SASH1: variants seen among roughly 807,000 people sequenced by gnomAD.
SASH1 encodes SAM and SH3 domain containing 1.
In SASH1, 44 loss-of-function variants were observed where a neutral mutation model predicts 125.2. That is an observed-to-expected ratio of 0.35 (90% confidence interval 0.28 to 0.45). The LOEUF (loss-of-function observed/expected upper bound fraction) is 0.45. Among genes scored for constraint, SASH1 ranks in the 20% least tolerant of loss-of-function variants. SASH1 has a pLI of 1.00. For synonymous variants in SASH1, 639 were observed against 649.1 expected (o/e 0.98, Z 0.24); for missense variants, 1,426 against 1,614.5 (o/e 0.88, Z 2.00).
chr6:148,359,324 G>T (rs1393058779), intron 1 of SASH1, among the ~76,000 whole-genome samples: 1 of 74,214 alleles, frequency 1.3e-5, no homozygotes, highest in African/African-American at 6.3e-5. Context: ...GTGCTTGGCC[G>T]GTTTTTTTTT....
chr6:148,361,915 T>TG (rs1782229563), intron 1 of SASH1, among the ~76,000 whole-genome samples: 1 of 71,100 alleles, frequency 1.4e-5, no homozygotes, highest in South Asian at 5.9e-4. Flanking sequence ...TTTCTTTTTC[T>TG]TTTTTTTTTT....
At chr6:148,288,768 T>C (rs1403618891) in intron 1 of SASH1, among the ~76,000 whole-genome samples, 1 of 152,122 alleles carries the variant, frequency 6.6e-6, no homozygotes, top group Non-Finnish European at 1.5e-5. Flanking sequence ...AGTAATTAGA[T>C]TGACACTTCC....
At chr6:148,461,888 A>G (rs1011103829) in intron 4 of SASH1, among the ~76,000 whole-genome samples, 3 of 152,264 alleles carry the variant, frequency 2.0e-5, no homozygotes, top group Admixed American at 6.5e-5. Flanking sequence ...GGAGCAAAAT[A>G]TGAAGGTACA....
Position 148,472,348 on chromosome 6 carries a change from C to T in SASH1, c.514+845C>T, listed in dbSNP as rs531863843. Among the ~76,000 whole-genome samples the T allele has an allele frequency of 4.6e-5, 7 of 152,196 alleles. No individual in the cohort carries two copies. The East Asian group carries it at 1.2e-3, about 25-fold the overall frequency. ...CACACCTGGGTTCCTTGGCAACATTCCACTTGGTTCTTTTTTCAAGTTGTC... is the reference window on the plus strand; with the variant it reads ...CACACCTGGGTTCCTTGGCAACATTTCACTTGGTTCTTTTTTCAAGTTGTC... On this transcript the variant is annotated intron_variant, in intron 6 of 19. Transcript: ENST00000367467.
the SASH1 span, among the ~76,000 whole-genome samples, chr6:148,245,229 G>T: frequency 6.6e-6 from 1 of 152,158 alleles, no homozygotes; most frequent in Non-Finnish European, 1.5e-5. Context: ...GTTCCCAAAT[G>T]ATTGTTTTCC....
At chr6:148,384,438 G>T (rs1159104523) in intron 1 of SASH1, among the ~76,000 whole-genome samples, 1 of 152,148 alleles carries the variant, frequency 6.6e-6, no homozygotes, top group Non-Finnish European at 1.5e-5. Context: ...TATAATAAAT[G>T]TAGAGATGAT....
intron 11 of SASH1, among the ~76,000 whole-genome samples, chr6:148,527,073 C>CGT (rs200711215): frequency 0.016 from 2,374 of 152,126 alleles, 57 homozygotes; most frequent in African/African-American, 0.053. Flanking sequence ...GGGGTTTCAC[C>CGT]GTGTTAGTCA....
chr6:148,379,215 T>A (rs959811996), intron 1 of SASH1, among the ~76,000 whole-genome samples: 1 of 152,210 alleles, frequency 6.6e-6, no homozygotes, highest in African/African-American at 2.4e-5. Flanking sequence ...CCTGGGTTTC[T>A]TCCTGTCTCT....
intron 7 of SASH1, among the ~76,000 whole-genome samples, chr6:148,485,684 C>T (rs1778808248): frequency 6.6e-6 from 1 of 152,146 alleles, no homozygotes; most frequent in Non-Finnish European, 1.5e-5. Flanking sequence ...TCAATACTGC[C>T]TACCTCCTCC....
intron 16 of SASH1, among the ~76,000 whole-genome samples, chr6:148,536,116 A>G (rs1583320269): frequency 6.6e-6 from 1 of 152,310 alleles, no homozygotes; most frequent in South Asian, 2.1e-4. Flanking sequence ...ATCACTTTAT[A>G]ACAAGGTCTT....
At position 148,490,013 on chromosome 6, in the gene SASH1, T is replaced by C. The variant is rs1390537843; in HGVS notation, c.729+2298T>C. Among the ~76,000 whole-genome samples, 60 of 124,958 alleles carry C rather than the reference T, an allele frequency of 4.8e-4. No homozygotes were observed. In the Middle Eastern group the frequency reaches 0.02, roughly 43 times the overall value. The allele number at this position is 124,958 out of a possible 152,430, so 82.0% of individuals were successfully genotyped here. On this transcript the variant is annotated intron_variant, in intron 8 of 19. Transcript: ENST00000367467. ...GTACCACTGCACTCCATCCTGTCTT[T>C]AAAAAAAAAAAAAAAAAAAACAAGA... is the stretch of plus-strand genomic sequence containing the variant.
In SASH1 at chr6:148,390,242, G is replaced by C. The variant is rs780159424; in HGVS notation, c.265G>C (p.Val89Leu). 4.3e-6 allele frequency: 7 copies of C among 1,611,872 alleles called. 1 individual carries two copies. The Admixed American group carries it at 1.2e-4, about 27-fold the overall frequency. The change falls in exon 2 of 20, where the codon GTT becomes CTT. Residue 89 changes from valine to leucine, a missense_variant. Around this residue, in one of 3 missense-constraint regions of SASH1, gnomAD observed 567 missense variants for 575.6 expected, o/e 0.99. Coordinates refer to ENST00000367467, the MANE Select transcript of SASH1 (RefSeq NM_015278.5). Reference protein sequence around the residue: ...ERMEELRKRRVSQDLEVEKPD... With the variant: ...ERMEELRKRRLSQDLEVEKPD... ...GATGGAGGAGCTGCGGAAACGGCGGGTTTCCCAGGACCTGGAAGTGGTGAG... is the reference window on the plus strand; with the variant it reads ...GATGGAGGAGCTGCGGAAACGGCGGCTTTCCCAGGACCTGGAAGTGGTGAG...
chr6:148,228,902 G>A, the SASH1 span, among the ~76,000 whole-genome samples: 5 of 152,060 alleles, frequency 3.3e-5, no homozygotes, highest in African/African-American at 1.2e-4. Context: ...TTTGGAGGCC[G>A]AGGCGGGCAG....
chr6:148,529,803 TTTTTG>T lies in SASH1; in HGVS notation c.1429-1718_1429-1714del, dbSNP rs1005061520. ...TGGAAGGTTTTATGTGGTTGTTTTT[TTTTTG>T]TTTTTGTTTTTGTTTTGAGACGGAG... On this transcript the variant is annotated intron_variant, in intron 12 of 19. Transcript: ENST00000367467. This position sits in a 1 kb window ranked among gnomAD's most constrained non-coding sequence, Gnocchi z 4.2. 7.5e-6 allele frequency among the ~76,000 whole-genome samples: 1 copy of T among 132,724 alleles called. No homozygotes were observed. The highest frequency in any genetic ancestry group is 3.6e-5 in the African/African-American group (1 of 27,906). The allele number at this position is 132,724 out of a possible 152,430, so 87.1% of individuals were successfully genotyped here.
the SASH1 span, among the ~76,000 whole-genome samples, chr6:148,252,111 C>T: frequency 2.0e-5 from 3 of 152,032 alleles, no homozygotes. Flanking sequence ...CTAGTCTTGA[C>T]GTATGACTTT....
chr6:148,449,078 C>CTTTTTCTTTTTTTTTTTCTTTTTT, intron 4 of SASH1, among the ~76,000 whole-genome samples: 233 of 88,614 alleles, frequency 2.6e-3, no homozygotes, highest in South Asian at 4.2e-3. Context: ...CATTTCATTT[C>CTTTTTCTTTTTTTTTTTCTTTTTT]TTTTTTTTTT....
At chr6:148,383,745 C>T (rs4897004) in intron 1 of SASH1, among the ~76,000 whole-genome samples, 1 of 151,984 alleles carries the variant, frequency 6.6e-6, no homozygotes, top group Admixed American at 6.5e-5. Context: ...TTTTGTTTTC[C>T]TAGTAGTTTT....
intron 1 of SASH1, among the ~76,000 whole-genome samples, chr6:148,374,221 A>G (rs1189929358): frequency 6.6e-6 from 1 of 152,218 alleles, no homozygotes; most frequent in East Asian, 1.9e-4. Flanking sequence ...AAGTTTGGGT[A>G]GGTGATAGGC....
intron 4 of SASH1, among the ~76,000 whole-genome samples, chr6:148,465,722 C>T (rs1007344132): frequency 1.6e-4 from 25 of 152,140 alleles, no homozygotes; most frequent in East Asian, 5.8e-4. Flanking sequence ...GTGCAAAGTA[C>T]AGCACAGTAA....
Sources: gnomAD v4.1 joint callset for allele counts (sites outside exome capture counted in the v4.1 genomes callset) on GRCh38, gnomAD v4.1.1 for gene constraint, gnomAD v4.1.1 regional missense constraint, Gnocchi (gnomAD v3.1) non-coding constraint, MANE v1.5 for transcripts, NCBI Gene and HGNC (gene_info 2026-07-23, HGNC 2026-07-21) for gene names.